Variants in EXOC4 observed in about 807,000 individuals in gnomAD.
EXOC4 encodes SEC8-like 1.
EXOC4 carries 71 observed loss-of-function variants against 107.2 expected under a neutral mutation model. That is an observed-to-expected ratio of 0.66 (90% CI 0.55 to 0.81). The LOEUF is 0.81. Ranked by LOEUF, EXOC4 falls within the 30% of genes least tolerant of loss-of-function variation. The pLI, the probability that EXOC4 is intolerant of heterozygous loss-of-function variation, is 0.00. For synonymous variants in EXOC4, 456 were observed against 441.2 expected (o/e 1.03, Z -0.42); for missense variants, 1,108 against 1,189.6 (o/e 0.93, Z 1.01).
rs78337477 is a variant in EXOC4 at position 133,733,406 on chromosome 7, C to T, written c.1515-83919C>T. On this transcript the variant is annotated intron_variant, in intron 10 of 17. Coordinates refer to ENST00000253861, the MANE Select transcript of EXOC4 (RefSeq NM_021807.4). Reference sequence around the variant, plus strand: ...ACTCAGGAGGCTGAGGCAGGAGAATCGCTTGAACCCAGGAGGCAGAGGCTG... The same window carrying T: ...ACTCAGGAGGCTGAGGCAGGAGAATTGCTTGAACCCAGGAGGCAGAGGCTG... 2.4e-3 allele frequency: 371 copies of T among 152,462 alleles called. 2 individuals carry two copies. In the East Asian group the frequency reaches 0.027, roughly 11 times the overall value. 9.4% of individuals were successfully genotyped at this position (152,462 alleles called of 1,614,324 possible). A position where few individuals can be genotyped will look rare whatever the true frequency, so the allele number is the denominator to read the frequency against.
At chr7:133,844,267 G>GTCAATT (rs1233725809) in intron 11 of EXOC4, among the ~76,000 whole-genome samples, 3 of 148,682 alleles carry the variant, frequency 2.0e-5, no homozygotes, top group African/African-American at 7.5e-5. Context: ...ATTCAGCTCT[G>GTCAATT]TCAATTTCTG....
chr7:133,840,669 G>C (rs1263719212), intron 11 of EXOC4, among the ~76,000 whole-genome samples: 1 of 151,786 alleles, frequency 6.6e-6, no homozygotes, highest in African/African-American at 2.4e-5. Context: ...TTTTAGTAGA[G>C]ACGGAGTTTC....
intron 14 of EXOC4, 150 bp downstream of exon 14, chr7:133,938,219 C>T (rs1351254445): frequency 4.0e-6 from 3 of 741,146 alleles, no homozygotes; most frequent in African/African-American, 1.8e-5. Flanking sequence ...TGTGTTGCAC[C>T]TCTTGTACTT....
chr7:133,869,737 C>T (rs372235299), intron 11 of EXOC4, among the ~76,000 whole-genome samples: 1 of 152,118 alleles, frequency 6.6e-6, no homozygotes, highest in Non-Finnish European at 1.5e-5. Context: ...TTAAGGGGCA[C>T]GAGGGAACAG....
intron 6 of EXOC4, among the ~76,000 whole-genome samples, chr7:133,365,864 T>C (rs1338798545): frequency 6.6e-6 from 1 of 152,226 alleles, no homozygotes; most frequent in Admixed American, 6.5e-5. Flanking sequence ...TTTATAAAAT[T>C]ATAAAGTTTT....
chr7:133,419,679 A>G (rs1052412370), intron 7 of EXOC4, among the ~76,000 whole-genome samples: 2 of 152,104 alleles, frequency 1.3e-5, no homozygotes, highest in African/African-American at 2.4e-5. Context: ...AAGACAGCAA[A>G]TGTTGGTGTG....
At chr7:133,900,487 G>C (rs1352310613) in intron 12 of EXOC4, among the ~76,000 whole-genome samples, 1 of 152,176 alleles carries the variant, frequency 6.6e-6, no homozygotes, top group Non-Finnish European at 1.5e-5. Flanking sequence ...CTGGAGGATC[G>C]CGAATGTCAG....
intron 5 of EXOC4, among the ~76,000 whole-genome samples, chr7:133,352,030 G>C (rs940553922): frequency 1.3e-5 from 2 of 151,866 alleles, no homozygotes; most frequent in Non-Finnish European, 2.9e-5. Flanking sequence ...TCCCTATTTA[G>C]TTAGAGAAGA....
At chr7:133,986,166 G>A (rs566018717) in intron 14 of EXOC4, among the ~76,000 whole-genome samples, 2 of 152,294 alleles carry the variant, frequency 1.3e-5, no homozygotes, top group Non-Finnish European at 2.9e-5. Context: ...CAATGAGCAT[G>A]GTGGTTTTCA....
intron 7 of EXOC4, among the ~76,000 whole-genome samples, chr7:133,462,282 C>T (rs1216682941): frequency 6.6e-6 from 1 of 152,134 alleles, no homozygotes; most frequent in Non-Finnish European, 1.5e-5. Flanking sequence ...CCTGTAACCT[C>T]AACTTGAGTG....
intron 9 of EXOC4, among the ~76,000 whole-genome samples, chr7:133,519,564 G>A (rs1799943639): frequency 6.6e-6 from 1 of 152,048 alleles, no homozygotes; most frequent in South Asian, 2.1e-4. Context: ...AAACAGGTAT[G>A]TACTGCCTTT....
rs557185652 is a variant in EXOC4 at position 133,841,539 on chromosome 7, CAA to C, written c.1734+23997_1734+23998del. Among the ~76,000 whole-genome samples the C allele has an allele frequency of 7.2e-5, 11 of 152,228 alleles. No individual in the cohort carries two copies. In the South Asian group the frequency reaches 2.1e-3, roughly 29 times the overall value. On this transcript the variant is annotated intron_variant, in intron 11 of 17. Transcript: ENST00000253861. Reference sequence around the variant, plus strand: ...TCCTTTTAGGTCCATTCTTATTCTACAAAGAGGTTATTTTTCCTGCCTCCTTC... The same window carrying C: ...TCCTTTTAGGTCCATTCTTATTCTACAGAGGTTATTTTTCCTGCCTCCTTC...
intron 7 of EXOC4, among the ~76,000 whole-genome samples, chr7:133,470,177 G>A (rs1798836176): frequency 6.6e-6 from 1 of 152,064 alleles, no homozygotes; most frequent in South Asian, 2.1e-4. Context: ...TGGGATAAAT[G>A]GAGAAGCTAA....
chr7:133,906,538 A>C (rs908495820), intron 12 of EXOC4, among the ~76,000 whole-genome samples: 4 of 152,228 alleles, frequency 2.6e-5, no homozygotes, highest in African/African-American at 7.2e-5. Context: ...AATGATCAGG[A>C]TATAAACCCA....
chr7:133,299,422 C>G (rs1340302225), intron 3 of EXOC4, among the ~76,000 whole-genome samples: 3 of 152,062 alleles, frequency 2.0e-5, no homozygotes, highest in Non-Finnish European at 2.9e-5. Flanking sequence ...AAAAAGATTA[C>G]TTTCGCTTTA....
At chr7:133,513,812 G>A (rs758225720) in intron 9 of EXOC4, among the ~76,000 whole-genome samples, 19 of 152,094 alleles carry the variant, frequency 1.2e-4, no homozygotes, top group Non-Finnish European at 8.8e-5. Context: ...CCCTTGAGAG[G>A]CCATTTTTGT....
chr7:133,273,444 G>T (rs1793920279), intron 1 of EXOC4, among the ~76,000 whole-genome samples: 1 of 152,272 alleles, frequency 6.6e-6, no homozygotes, highest in South Asian at 2.1e-4. Context: ...ATCAAGTCTT[G>T]TGGTTCCCAG....
At chr7:133,739,222 T>TTGTGTGTGTGTGTGTG (rs72444310) in intron 10 of EXOC4, among the ~76,000 whole-genome samples, 8 of 142,308 alleles carry the variant, frequency 5.6e-5, no homozygotes, top group East Asian at 4.2e-4. Flanking sequence ...GTAGAGGGGT[T>TTGTGTGTGTGTGTGTG]TGTGTGTGTG....
chr7:133,755,264 TTATA>T (rs570842939), intron 10 of EXOC4, among the ~76,000 whole-genome samples: 1 of 94,254 alleles, frequency 1.1e-5, no homozygotes, highest in Non-Finnish European at 2.0e-5. Flanking sequence ...TATATATATA[TTATA>T]TATATTATAT....
Sources: allele counts gnomAD v4.1 joint callset (sites outside exome capture counted in the v4.1 genomes callset), GRCh38; gene constraint gnomAD v4.1.1; transcripts MANE v1.5; gene names NCBI Gene and HGNC (gene_info 2026-07-23, HGNC 2026-07-21).